Variants in PSD3 observed in about 807,000 individuals in gnomAD.
The protein encoded by PSD3 is pleckstrin and Sec7 domain containing 3.
Under a neutral mutation model 105.5 loss-of-function variants are expected in PSD3, and 49 were observed. The observed-to-expected ratio is 0.46, with a 90% CI of 0.37 to 0.59. PSD3 has a LOEUF of 0.59. PSD3 is among the 20% of genes least tolerant of loss of function. The pLI is 0.00. For missense variants in PSD3, 1,561 were observed against 1,263.8 expected, an observed-to-expected ratio of 1.24 and a Z score of -3.57; for synonymous variants, 557 against 457.8, an observed-to-expected ratio of 1.22 and a Z score of -2.77.
At chr8:18,674,808 A>G (rs1585581705) in intron 9 of PSD3, among the ~76,000 whole-genome samples, 1 of 152,292 alleles carries the variant, frequency 6.6e-6, no homozygotes, top group East Asian at 1.9e-4. Context: ...GGTGTTCAAG[A>G]CCAGACTGGG....
chr8:18,919,403 T>C (rs1336953161), intron 2 of PSD3, among the ~76,000 whole-genome samples: 1 of 152,022 alleles, frequency 6.6e-6, no homozygotes, highest in East Asian at 1.9e-4. Flanking sequence ...GAGAACAGGA[T>C]TGCTCAAGCA....
At chr8:18,937,720 T>C (rs565013166) in intron 1 of PSD3, among the ~76,000 whole-genome samples, 18 of 152,244 alleles carry the variant, frequency 1.2e-4, no homozygotes, top group African/African-American at 4.1e-4. Context: ...TTTTCCCCAA[T>C]AGAGAGGAAA....
At chr8:18,797,169 T>C (rs1161376461) in intron 8 of PSD3, among the ~76,000 whole-genome samples, 1 of 152,188 alleles carries the variant, frequency 6.6e-6, no homozygotes, top group East Asian at 1.9e-4. Context: ...AACAGACTTG[T>C]AACAGCATGC....
At chr8:18,590,845 A>C (rs1406334217) in intron 12 of PSD3, among the ~76,000 whole-genome samples, 1 of 152,200 alleles carries the variant, frequency 6.6e-6, no homozygotes, top group Non-Finnish European at 1.5e-5. Flanking sequence ...CAGTCACCAA[A>C]TACCAGATTG....
At chr8:18,984,161 T>G (rs1447053142) in intron 1 of PSD3, among the ~76,000 whole-genome samples, 1 of 150,678 alleles carries the variant, frequency 6.6e-6, no homozygotes, top group Non-Finnish European at 1.5e-5. Context: ...AAAGACTTGC[T>G]CCACACAAAG....
chr8:18,691,188 T>G (rs1261195003), intron 9 of PSD3, among the ~76,000 whole-genome samples: 1 of 152,154 alleles, frequency 6.6e-6, no homozygotes, highest in Non-Finnish European at 1.5e-5. Flanking sequence ...TGAAATAACA[T>G]TCTTAAGGCA....
chr8:18,873,716 C>T (rs1037614333), intron 2 of PSD3, among the ~76,000 whole-genome samples: 2 of 152,078 alleles, frequency 1.3e-5, no homozygotes, highest in Non-Finnish European at 2.9e-5. Flanking sequence ...ATCCTTTGAC[C>T]AGCACCTCCC....
At chr8:18,955,752 C>T (rs1333146878) in intron 1 of PSD3, among the ~76,000 whole-genome samples, 1 of 106,720 alleles carries the variant, frequency 9.4e-6, no homozygotes, top group Admixed American at 1.0e-4. Context: ...TCGTTCTTAG[C>T]ATATTTTATT....
chr8:18,867,402 C>T (rs145613768), intron 4 of PSD3, among the ~76,000 whole-genome samples: 9 of 152,326 alleles, frequency 5.9e-5, no homozygotes, highest in African/African-American at 1.9e-4. Flanking sequence ...GATAACCTCA[C>T]TCATCATCCC....
At chr8:18,591,920 T>A (rs570834465) in intron 12 of PSD3, among the ~76,000 whole-genome samples, 2 of 152,158 alleles carry the variant, frequency 1.3e-5, no homozygotes, top group South Asian at 4.2e-4. Flanking sequence ...CTAAAATCTG[T>A]TGCAAAGATG....
At chr8:18,894,129 C>G (rs184122723) in intron 2 of PSD3, among the ~76,000 whole-genome samples, 3 of 152,152 alleles carry the variant, frequency 2.0e-5, no homozygotes, top group Non-Finnish European at 2.9e-5. Flanking sequence ...TGGGAACCAG[C>G]CTTTGCTACA....
chr8:18,568,842 G>C (rs556405481), intron 14 of PSD3, among the ~76,000 whole-genome samples: 19 of 151,444 alleles, frequency 1.3e-4, no homozygotes, highest in African/African-American at 4.4e-4. Flanking sequence ...ATCTCCCGAT[G>C]CTATCCCTCC....
chr8:18,980,061 G>T (rs1563482783), intron 1 of PSD3, among the ~76,000 whole-genome samples: 1 of 152,142 alleles, frequency 6.6e-6, no homozygotes, highest in South Asian at 2.1e-4. Context: ...GGTGTAACAG[G>T]TTCTCTGCCC....
At chr8:19,015,906 A>C (rs1364133581), upstream of PSD3, among the ~76,000 whole-genome samples, 1 of 152,250 alleles carries the variant, frequency 6.6e-6, no homozygotes, top group Non-Finnish European at 1.5e-5. Flanking sequence ...AAATATTTTA[A>C]GATTGTACTT....
intron 1 of PSD3, among the ~76,000 whole-genome samples, chr8:19,052,152 T>A (rs534176587): frequency 5.9e-5 from 9 of 151,958 alleles, no homozygotes; most frequent in African/African-American, 2.2e-4. Flanking sequence ...GCCACTGTGG[T>A]GAGAAAGTCA....
chr8:18,927,447 C>T (rs1375374579), intron 2 of PSD3, among the ~76,000 whole-genome samples: 1 of 152,134 alleles, frequency 6.6e-6, no homozygotes, highest in Non-Finnish European at 1.5e-5. Context: ...CTCCTGACCT[C>T]GTGATCCACC....
intron 1 of PSD3, among the ~76,000 whole-genome samples, chr8:19,078,715 A>G (rs1319633369): frequency 6.6e-6 from 1 of 151,780 alleles, no homozygotes; most frequent in Non-Finnish European, 1.5e-5. Flanking sequence ...TCAGAGCAAA[A>G]AGTCTCCTCC....
chr8:18,743,570 T>A (rs1804746423), intron 9 of PSD3, among the ~76,000 whole-genome samples: 1 of 152,152 alleles, frequency 6.6e-6, no homozygotes, highest in Non-Finnish European at 1.5e-5. Context: ...TCTAAGAACC[T>A]TTCATTCAAA....
chr8:19,002,275 G>C (rs1826441901), intron 1 of PSD3, among the ~76,000 whole-genome samples: 1 of 151,986 alleles, frequency 6.6e-6, no homozygotes, highest in African/African-American at 2.4e-5. Flanking sequence ...AGGAAGGAAG[G>C]CGACAACTCC....
Sources: allele counts gnomAD v4.1 joint callset (sites outside exome capture counted in the v4.1 genomes callset), GRCh38; gene constraint gnomAD v4.1.1; transcripts MANE v1.5; gene names NCBI Gene and HGNC (gene_info 2026-07-23, HGNC 2026-07-21).